The following ACTR3C variants were observed in gnomAD, a reference collection of about 807,000 sequenced individuals.
The protein encoded by ACTR3C is actin related protein 3C.
In ACTR3C, 18 loss-of-function variants were observed where a neutral mutation model predicts 26.3. The ratio of observed to expected loss-of-function variants is 0.68; its 90% confidence interval spans 0.47 to 1.01. ACTR3C has a LOEUF of 1.01. Among genes scored for constraint, ACTR3C ranks in the 50% least tolerant of loss-of-function variants. The probability of loss-of-function intolerance (pLI) is 0.00; values close to 1 mark genes in which losing one functional copy is unlikely to be tolerated. For missense variants in ACTR3C, 184 were observed against 250.7 expected, an observed-to-expected ratio of 0.73 and a Z score of 1.80; for synonymous variants, 55 against 94.5, an observed-to-expected ratio of 0.58 and a Z score of 2.42.
At chr7:149,884,355 G>A in the ACTR3C span, among the ~76,000 whole-genome samples, 17,433 of 152,156 alleles carry the variant, frequency 0.11, 2,216 homozygotes, top group African/African-American at 0.32. Context: ...TTGGGGAAAT[G>A]TTGGTCAAAA....
At chr7:150,037,724 G>C in the ACTR3C span, among the ~76,000 whole-genome samples, 1 of 98,812 alleles carries the variant, frequency 1.0e-5, no homozygotes, top group Admixed American at 9.9e-5. Flanking sequence ...CTAAGCCAGG[G>C]GGGAAGAGGG....
At chr7:149,923,954 G>A in the ACTR3C span, among the ~76,000 whole-genome samples, 3 of 151,136 alleles carry the variant, frequency 2.0e-5, no homozygotes, top group Admixed American at 6.6e-5. Flanking sequence ...TCGACATCAC[G>A]CCACTGCACT....
At chr7:150,042,777 T>A in the ACTR3C span, among the ~76,000 whole-genome samples, 5 of 151,436 alleles carry the variant, frequency 3.3e-5, no homozygotes, top group Non-Finnish European at 7.4e-5. Flanking sequence ...GTCTAGTTGT[T>A]TAGAGACGTA....
the ACTR3C span, among the ~76,000 whole-genome samples, chr7:150,011,632 A>T: frequency 2.0e-5 from 3 of 152,092 alleles, no homozygotes; most frequent in Non-Finnish European, 4.4e-5. Context: ...GCATACTAGG[A>T]AAGTTAAAGT....
chr7:150,000,176 A>T, the ACTR3C span, among the ~76,000 whole-genome samples: 1 of 152,172 alleles, frequency 6.6e-6, no homozygotes, highest in Non-Finnish European at 1.5e-5. Flanking sequence ...CATAATAAAA[A>T]ATCTTCCAAA....
intron 6 of ACTR3C, among the ~76,000 whole-genome samples, chr7:150,275,830 C>G (rs1339858757): frequency 1.3e-5 from 2 of 152,116 alleles, no homozygotes; most frequent in Non-Finnish European, 2.9e-5. Flanking sequence ...AAATCATGCA[C>G]TCTGCTCATC....
chr7:150,149,941 C>A, the ACTR3C span, among the ~76,000 whole-genome samples: 1 of 147,932 alleles, frequency 6.8e-6, no homozygotes. Flanking sequence ...GAAAGTAGCC[C>A]GATTTTCTAA....
At chr7:150,174,500 C>A in the ACTR3C span, among the ~76,000 whole-genome samples, 1 of 141,066 alleles carries the variant, frequency 7.1e-6, no homozygotes. Flanking sequence ...GGGGACACAG[C>A]CAGACCATAT....
chr7:149,992,427 T>C, the ACTR3C span, among the ~76,000 whole-genome samples: 1 of 152,236 alleles, frequency 6.6e-6, no homozygotes, highest in Non-Finnish European at 1.5e-5. Context: ...CCATATATCA[T>C]ACATGTCCAA....
the ACTR3C span, among the ~76,000 whole-genome samples, chr7:149,936,428 A>T: frequency 6.6e-6 from 1 of 152,188 alleles, no homozygotes; most frequent in East Asian, 1.9e-4. Flanking sequence ...TACAATGTAG[A>T]CCACACAAGC....
At chr7:150,097,043 C>A in the ACTR3C span, among the ~76,000 whole-genome samples, 2 of 152,190 alleles carry the variant, frequency 1.3e-5, no homozygotes, top group Admixed American at 1.3e-4. Context: ...GAGGAATAGT[C>A]AGTATTCCTT....
the ACTR3C span, chr7:149,891,036 C>T: frequency 0.21 from 199,782 of 939,574 alleles, 21,529 homozygotes; most frequent in East Asian, 0.23. Flanking sequence ...TTGTTCTGAA[C>T]GTTTTTATTG....
the ACTR3C span, among the ~76,000 whole-genome samples, chr7:150,225,023 G>GTT: frequency 1.3e-5 from 2 of 151,586 alleles, no homozygotes; most frequent in East Asian, 3.9e-4. Flanking sequence ...GTGTGTGTGT[G>GTT]TGTGTGTGTG....
chr7:150,076,454 G>C, the ACTR3C span: 1 of 152,136 alleles, frequency 6.6e-6, no homozygotes, highest in Non-Finnish European at 1.5e-5. Flanking sequence ...TTTGTGGATT[G>C]ATAGCTGAAC....
At chr7:150,261,852 C>T (rs1318187847) in intron 6 of ACTR3C, among the ~76,000 whole-genome samples, 5 of 152,256 alleles carry the variant, frequency 3.3e-5, no homozygotes, top group Non-Finnish European at 7.3e-5. Context: ...AGGAATTCTA[C>T]TTATGTTTAT....
chr7:150,041,562 C>G, the ACTR3C span: 1 of 172,394 alleles, frequency 5.8e-6, no homozygotes, highest in East Asian at 2.2e-4. Context: ...TGCCTCCCCC[C>G]TCTGCGATGG....
chr7:150,089,274 T>G, the ACTR3C span, among the ~76,000 whole-genome samples: 2 of 152,122 alleles, frequency 1.3e-5, no homozygotes, highest in East Asian at 3.9e-4. Flanking sequence ...TCACTCAGAG[T>G]GTTAGTGCAA....
chr7:150,248,520 G>A (rs1198032786), intron 7 of ACTR3C: 5 of 152,352 alleles, frequency 3.3e-5, no homozygotes, highest in African/African-American at 1.2e-4. Context: ...AATGAGCTGG[G>A]TGTGGTGGCG....
chr7:150,289,338 A>C (rs1365440112), intron 4 of ACTR3C, 112 bp downstream of exon 4: 1 of 1,426,000 alleles, frequency 7.0e-7, no homozygotes, highest in African/African-American at 1.5e-5. Flanking sequence ...CCCCACACTC[A>C]TGGGAAGGGG....
Sources: allele counts gnomAD v4.1 joint callset (sites outside exome capture counted in the v4.1 genomes callset), GRCh38; gene constraint gnomAD v4.1.1; transcripts MANE v1.5; gene names NCBI Gene and HGNC (gene_info 2026-07-23, HGNC 2026-07-21).